Variants in KY observed in about 807,000 individuals in gnomAD.
KY encodes the protein kyphoscoliosis peptidase.
KY carries 43 observed loss-of-function variants against 76.1 expected under a neutral mutation model. The observed-to-expected ratio is 0.57, with a 90% CI of 0.44 to 0.73. KY has a LOEUF of 0.73. KY is among the 30% of genes least tolerant of loss of function. The pLI is 0.00. For synonymous variants in KY, 277 were observed against 326.2 expected, an observed-to-expected ratio of 0.85 and a Z score of 1.63; for missense variants, 722 against 828.9, an observed-to-expected ratio of 0.87 and a Z score of 1.58.
At chr3:134,606,242 A>G (rs970748671) in intron 10 of KY, among the ~76,000 whole-genome samples, 1 of 152,104 alleles carries the variant, frequency 6.6e-6, no homozygotes, top group Admixed American at 6.6e-5. Flanking sequence ...AGCACCACCC[A>G]GCACCCCACA....
rs1313359725 is a variant in KY, at chr3:134,650,847, G to A, written c.114C>T (p.Ser38=). The A allele has an allele frequency of 1.2e-6, 2 of 1,606,682 alleles. No individual in the cohort carries two copies. Among genetic ancestry groups the A allele is most frequent in the Admixed American group, 1.7e-5 (1 of 59,554 alleles). Residue 38 remains serine (S), a synonymous_variant, in exon 1 of 11, where the codon AGC becomes AGT. Transcript: ENST00000423778. The part of the protein sequence containing the change: ...GTLSDQQANP[S]SLLQRGGGFQ... ...TACCTCCTCCGCGCTGCAGCAGCGA[G>A]CTCGGGTTCGCCTGCTGGTCTGAGA...
In KY at chr3:134,625,044, C is replaced by T; in HGVS notation, c.483+9G>A. ...AGGGGCCCATGGTCAGAGCGGCCAG[C>T]TGTCCTACCTGTGAGGCGTAGATAT... On this transcript the variant is annotated intron_variant, in intron 6 of 10. Coordinates refer to ENST00000423778, the MANE Select transcript of KY (RefSeq NM_178554.6). 6.3e-7 allele frequency: 1 copy of T among 1,587,144 alleles called. No individual in the cohort carries two copies. Among genetic ancestry groups the T allele is most frequent in the Non-Finnish European group, 8.6e-7 (1 of 1,166,186 alleles).
Position 134,627,757 on chromosome 3 carries a change from A to G in KY, c.399T>C (p.His133=), listed in dbSNP as rs1963656329. 1.2e-6 allele frequency: 2 copies of G among 1,613,488 alleles called. No individual in the cohort carries two copies. Among genetic ancestry groups the G allele is most frequent in the African/African-American group, 1.3e-5 (1 of 74,926 alleles). ...GTCCTGGAAGACTCTGGAACTTACC[A>G]TGGGCATCTTTCCCTCCAGGTTGCC... ...RPRQPGGKDA[H]AYPWDRSSLK... The change falls in exon 5 of 11, where the codon CAT becomes CAC. Residue 133 remains histidine, a splice_region_variant and synonymous_variant. Coordinates refer to ENST00000423778, the MANE Select transcript of KY (RefSeq NM_178554.6).
intron 5 of KY, among the ~76,000 whole-genome samples, chr3:134,626,672 A>G (rs1032493054): frequency 2.0e-5 from 3 of 152,084 alleles, no homozygotes; most frequent in Admixed American, 6.5e-5. Context: ...TCACCTCTAG[A>G]CCTGGCTCCA....
chr3:134,627,392 C>T (rs1963597462), intron 5 of KY, among the ~76,000 whole-genome samples: 3 of 152,190 alleles, frequency 2.0e-5, no homozygotes, highest in Admixed American at 2.0e-4. Context: ...CTCAGTGTTT[C>T]TTCCTCTGCT....
At position 134,629,620 on chromosome 3, in the gene KY, C is replaced by T. The variant is rs774833265; in HGVS notation, c.337+1G>A. 9 of 1,595,598 alleles carry T rather than the reference C, an allele frequency of 5.6e-6. No homozygotes were observed. Among genetic ancestry groups the T allele is most frequent in the Admixed American group, 1.7e-5 (1 of 57,322 alleles). ...ACCATGAGTACCTGTGTCATACATACGTTTAGCCAAGGAGAACTTCTTGAG... is the reference window on the plus strand; with the variant it reads ...ACCATGAGTACCTGTGTCATACATATGTTTAGCCAAGGAGAACTTCTTGAG... On this transcript the variant is annotated splice_donor_variant, in intron 4 of 10. Transcript: ENST00000423778. LOFTEE classifies it high-confidence loss of function.
chr3:134,631,249 C>T (rs1222420088), intron 3 of KY, among the ~76,000 whole-genome samples: 8 of 152,118 alleles, frequency 5.3e-5, no homozygotes, highest in Admixed American at 5.2e-4. Flanking sequence ...GAATTCTAAA[C>T]AGGATAAATG....
chr3:134,630,463 A>G (rs1964063632), intron 3 of KY, among the ~76,000 whole-genome samples: 1 of 152,210 alleles, frequency 6.6e-6, no homozygotes, highest in African/African-American at 2.4e-5. Flanking sequence ...TGGGGCCTAT[A>G]TGGCAGAGTG....
At chr3:134,646,182 A>T (rs1305304594) in intron 2 of KY, among the ~76,000 whole-genome samples, 1 of 151,996 alleles carries the variant, frequency 6.6e-6, no homozygotes, top group Non-Finnish European at 1.5e-5. Flanking sequence ...ATTCTCAATA[A>T]CCCATAGCAG....
At chr3:134,646,806 G>A (rs892506831) in intron 2 of KY, among the ~76,000 whole-genome samples, 1 of 152,096 alleles carries the variant, frequency 6.6e-6, no homozygotes, top group Non-Finnish European at 1.5e-5. Context: ...GAACCTTCAC[G>A]TGCCCACTGT....
chr3:134,647,513 C>T lies in KY; in HGVS notation c.137-16G>A, dbSNP rs2108039986. 6.3e-7 allele frequency: 1 copy of T among 1,576,254 alleles called. No homozygotes were observed. The highest frequency in any genetic ancestry group is 1.3e-5 in the African/African-American group (1 of 74,324). ...CCTTGGAATCCTGCAAAATAACAAG[C>T]TTCTCTGAGGTGGGAGACTCAGGGC... On this transcript the variant is annotated splice_polypyrimidine_tract_variant and intron_variant, in intron 1 of 10. Transcript: ENST00000423778.
intron 3 of KY, among the ~76,000 whole-genome samples, chr3:134,632,510 G>A (rs1964369221): frequency 6.6e-6 from 1 of 151,908 alleles, no homozygotes; most frequent in Non-Finnish European, 1.5e-5. Flanking sequence ...ATCACACATA[G>A]ATCAAAGAAG....
At chr3:134,639,700 C>G (rs2107979137) in intron 3 of KY, 1 of 152,130 alleles carries the variant, frequency 6.6e-6, no homozygotes, top group African/African-American at 2.4e-5. Flanking sequence ...AATCCCAGCA[C>G]TTTGGGAAAC....
chr3:134,643,976 G>A (rs976112589), intron 2 of KY, among the ~76,000 whole-genome samples: 17 of 152,078 alleles, frequency 1.1e-4, no homozygotes, highest in East Asian at 5.8e-4. Context: ...ACAGGTGCCC[G>A]CCACCACACT....
rs1958964112 is a variant in KY at position 134,601,532 on chromosome 3, C to T, written c.*2047G>A. 6.6e-6 allele frequency among the ~76,000 whole-genome samples: 1 copy of T among 152,246 alleles called. No homozygotes were observed. Among genetic ancestry groups the T allele is most frequent in the South Asian group, 2.1e-4 (1 of 4,830 alleles). On this transcript the variant is annotated 3_prime_UTR_variant, in exon 11 of 11. Coordinates refer to ENST00000423778, the MANE Select transcript of KY (RefSeq NM_178554.6). ...TTAAGCCCATAAAATCAGAAGTGTGCAAGACGGCTGTTTTCAGGGTGTAAA... is the reference window on the plus strand; with the variant it reads ...TTAAGCCCATAAAATCAGAAGTGTGTAAGACGGCTGTTTTCAGGGTGTAAA...
chr3:134,607,677 C>A (rs867574705), intron 10 of KY: 3 of 985,770 alleles, frequency 3.0e-6, no homozygotes, highest in Non-Finnish European at 2.4e-6. Flanking sequence ...TTCTGGCCCT[C>A]CAGGGCAGCC....
rs547247760 is a variant in KY at position 134,647,975 on chromosome 3, G to A, written c.137-478C>T. 2.0e-5 allele frequency among the ~76,000 whole-genome samples: 3 copies of A among 152,304 alleles called. No homozygotes were observed. The East Asian group carries it at 5.8e-4, about 29-fold the overall frequency. ...TCTTGGCCTCCCTTGCAGCTAGAGG[G>A]TAAACACGTATGGCCTAGCCATGGC... On this transcript the variant is annotated intron_variant, in intron 1 of 10. Transcript: ENST00000423778.
At chr3:134,608,161 C>A in intron 10 of KY, 9 of 1,158,588 alleles carry the variant, frequency 7.8e-6, no homozygotes, top group Non-Finnish European at 9.7e-6. Flanking sequence ...CTGCTGAGGC[C>A]ATGTATTCTC....
chr3:134,619,127 G>T, intron 8 of KY, 21 bp downstream of exon 8: 1 of 1,587,156 alleles, frequency 6.3e-7, no homozygotes, highest in Non-Finnish European at 8.7e-7. Context: ...TGGTCAGCAT[G>T]GGGACTCCTG....
Sources: gnomAD v4.1 joint callset for allele counts (sites outside exome capture counted in the v4.1 genomes callset) on GRCh38, gnomAD v4.1.1 for gene constraint, MANE v1.5 for transcripts, NCBI Gene and HGNC (gene_info 2026-07-23, HGNC 2026-07-21) for gene names.